The following ATP8A2 variants were observed in gnomAD, a reference collection of about 807,000 sequenced individuals.
ATP8A2 encodes the protein phospholipid-transporting ATPase IB.
Under a neutral mutation model 165.6 loss-of-function variants are expected in ATP8A2, and 100 were observed. The ratio of observed to expected loss-of-function variants is 0.60; its 90% confidence interval spans 0.51 to 0.71. The LOEUF (loss-of-function observed/expected upper bound fraction) is 0.71. ATP8A2 is among the 30% of genes least tolerant of loss of function. The probability of loss-of-function intolerance (pLI) is 0.00; values close to 1 mark genes in which losing one functional copy is unlikely to be tolerated. For synonymous variants in ATP8A2, 543 were observed against 548.8 expected, an observed-to-expected ratio of 0.99 and a Z score of 0.15; for missense variants, 1,227 against 1,479.5, an observed-to-expected ratio of 0.83 and a Z score of 2.80.
intron 27 of ATP8A2, among the ~76,000 whole-genome samples, chr13:25,820,634 G>T (rs981463533): frequency 3.9e-5 from 6 of 152,136 alleles, no homozygotes; most frequent in African/African-American, 1.4e-4. Flanking sequence ...TTATATTTAG[G>T]AATTGGGTGG....
chr13:25,435,941 G>GTGTGTGAGTGTGTGTATGTGTGTGTGTA (rs1566131394), intron 1 of ATP8A2, among the ~76,000 whole-genome samples: 5 of 92,906 alleles, frequency 5.4e-5, no homozygotes, highest in African/African-American at 1.6e-4. Context: ...GAGTGTGTGT[G>GTGTGTGAGTGTGTGTATGTGTGTGTGTA]TGTGTGTGTG....
intron 35 of ATP8A2, among the ~76,000 whole-genome samples, chr13:26,006,447 A>G (rs780980427): frequency 6.6e-6 from 1 of 152,034 alleles, no homozygotes; most frequent in South Asian, 2.1e-4. Context: ...AGATCATGTC[A>G]TGTACAAATA....
At chr13:25,392,274 G>A (rs2033275835) in intron 1 of ATP8A2, among the ~76,000 whole-genome samples, 1 of 152,218 alleles carries the variant, frequency 6.6e-6, no homozygotes, top group South Asian at 2.1e-4. Flanking sequence ...ATTATTTTGA[G>A]CCTTAAGGGA....
At chr13:25,527,360 C>A (rs1019715455) in intron 2 of ATP8A2, among the ~76,000 whole-genome samples, 3 of 152,128 alleles carry the variant, frequency 2.0e-5, no homozygotes, top group African/African-American at 7.2e-5. Flanking sequence ...CTCAGGCCCA[C>A]CCCAGACGTA....
intron 1 of ATP8A2, among the ~76,000 whole-genome samples, chr13:25,416,960 G>C (rs1174534292): frequency 2.0e-5 from 3 of 151,886 alleles, no homozygotes; most frequent in African/African-American, 4.8e-5. Flanking sequence ...GTTTCTTCAT[G>C]AGTGATGTAC....
intron 27 of ATP8A2, among the ~76,000 whole-genome samples, chr13:25,815,908 G>A (rs1010134955): frequency 1.3e-5 from 2 of 152,200 alleles, no homozygotes; most frequent in African/African-American, 4.8e-5. Context: ...AAAACTTTAT[G>A]TTAAGAAATA....
intron 24 of ATP8A2, among the ~76,000 whole-genome samples, chr13:25,674,109 C>A (rs900977380): frequency 6.6e-6 from 1 of 152,118 alleles, no homozygotes; most frequent in African/African-American, 2.4e-5. Flanking sequence ...GTGTTAGTGT[C>A]TTTAGTTAAA....
chr13:25,829,801 T>G (rs1364964405), intron 28 of ATP8A2, among the ~76,000 whole-genome samples: 1 of 147,660 alleles, frequency 6.8e-6, no homozygotes, highest in Non-Finnish European at 1.5e-5. Context: ...CTTAGCTCCA[T>G]GCAGTCTTGG....
chr13:25,717,474 C>G (rs2043282016), intron 25 of ATP8A2, among the ~76,000 whole-genome samples: 1 of 145,818 alleles, frequency 6.9e-6, no homozygotes, highest in Non-Finnish European at 1.5e-5. Flanking sequence ...CAGCAGCAGA[C>G]AAAACCAAAG....
At chr13:25,439,155 A>C (rs1233464289) in intron 1 of ATP8A2, among the ~76,000 whole-genome samples, 4 of 152,212 alleles carry the variant, frequency 2.6e-5, no homozygotes, top group African/African-American at 9.6e-5. Context: ...AAGAAAACGT[A>C]GCGACAGCCT....
chr13:25,378,100 G>T (rs1201242772), intron 1 of ATP8A2, among the ~76,000 whole-genome samples: 1 of 151,958 alleles, frequency 6.6e-6, no homozygotes. Context: ...GGACAACAGA[G>T]CGAGACCCTT....
At chr13:25,678,664 T>C (rs539859506) in intron 24 of ATP8A2, among the ~76,000 whole-genome samples, 11 of 152,200 alleles carry the variant, frequency 7.2e-5, no homozygotes, top group African/African-American at 2.4e-4. Flanking sequence ...GGTAAAGCCT[T>C]GTTTGGAAAG....
chr13:25,857,148 A>G (rs918915767), intron 30 of ATP8A2, among the ~76,000 whole-genome samples: 33 of 152,284 alleles, frequency 2.2e-4, no homozygotes, highest in East Asian at 1.7e-3. Context: ...CAGTGCCTGC[A>G]GCCCCACTGG....
At chr13:25,722,211 C>T (rs569766183) in intron 25 of ATP8A2, among the ~76,000 whole-genome samples, 207 of 152,246 alleles carry the variant, frequency 1.4e-3, no homozygotes, top group African/African-American at 4.8e-3. Context: ...TGGCTCTGAA[C>T]CCCATTGCAG....
At chr13:25,770,165 AG>A (rs1268628151) in intron 26 of ATP8A2, among the ~76,000 whole-genome samples, 4 of 152,202 alleles carry the variant, frequency 2.6e-5, no homozygotes, top group Admixed American at 2.6e-4. Context: ...AGATGGTAAC[AG>A]CCCTTTCCCA....
intron 1 of ATP8A2, among the ~76,000 whole-genome samples, chr13:25,418,754 A>G (rs1460014359): frequency 6.6e-6 from 1 of 152,188 alleles, no homozygotes; most frequent in Non-Finnish European, 1.5e-5. Context: ...CAGACAATGA[A>G]ATGCTAGAAT....
intron 2 of ATP8A2, among the ~76,000 whole-genome samples, chr13:25,471,379 C>T (rs2035841032): frequency 6.9e-6 from 1 of 145,890 alleles, no homozygotes; most frequent in African/African-American, 2.6e-5. Context: ...GAGATGGAGT[C>T]TTGCTCTGTC....
chr13:25,642,531 C>G (rs906035175), intron 24 of ATP8A2, among the ~76,000 whole-genome samples: 3 of 152,250 alleles, frequency 2.0e-5, no homozygotes, highest in Admixed American at 2.0e-4. Flanking sequence ...AAATGCAAAT[C>G]AAAACAATGA....
intron 35 of ATP8A2, among the ~76,000 whole-genome samples, chr13:25,996,849 A>G (rs1593690975): frequency 6.6e-6 from 1 of 152,138 alleles, no homozygotes; most frequent in Non-Finnish European, 1.5e-5. Context: ...ACACCTGGCT[A>G]ATTTTTGTAT....
Sources: gnomAD v4.1 joint callset for allele counts (sites outside exome capture counted in the v4.1 genomes callset) on GRCh38, gnomAD v4.1.1 for gene constraint, MANE v1.5 for transcripts, NCBI Gene and HGNC (gene_info 2026-07-23, HGNC 2026-07-21) for gene names.